The following GPHN variants were observed in gnomAD, a reference collection of about 807,000 sequenced individuals.
GPHN encodes gephyrin.
GPHN carries 17 observed loss-of-function variants against 95.5 expected under a neutral mutation model. That is an observed-to-expected ratio of 0.18 (90% confidence interval 0.12 to 0.27). The LOEUF (loss-of-function observed/expected upper bound fraction) is 0.27. GPHN is among the 10% of genes least tolerant of loss of function. The pLI, the probability that GPHN is intolerant of heterozygous loss-of-function variation, is 1.00. For missense variants in GPHN, 660 were observed against 978.1 expected (o/e 0.67, Z 4.34); for synonymous variants, 320 against 322.5 (o/e 0.99, Z 0.08).
chr14:67,699,767 G>T, the GPHN span, among the ~76,000 whole-genome samples: 1 of 151,808 alleles, frequency 6.6e-6, no homozygotes. Context: ...AAAAAGTAAA[G>T]AAAAACCTTT....
the GPHN span, chr14:67,383,720 A>G: frequency 2.7e-6 from 1 of 373,002 alleles, no homozygotes; most frequent in African/African-American, 2.1e-5. Context: ...TGTGATTTCC[A>G]TTTCTGATGT....
intron 1 of GPHN, among the ~76,000 whole-genome samples, chr14:66,590,838 A>G (rs2061610406): frequency 6.6e-6 from 1 of 152,352 alleles, no homozygotes; most frequent in Non-Finnish European, 1.5e-5. Flanking sequence ...AAAACTTGGC[A>G]GAGACACAAC....
At chr14:67,420,829 T>C in the GPHN span, among the ~76,000 whole-genome samples, 1 of 152,238 alleles carries the variant, frequency 6.6e-6, no homozygotes, top group Admixed American at 6.5e-5. Flanking sequence ...TTGAGGTCTT[T>C]TCCTGTGCAA....
chr14:66,627,404 T>C (rs1010494281), intron 1 of GPHN, among the ~76,000 whole-genome samples: 1 of 151,998 alleles, frequency 6.6e-6, no homozygotes, highest in African/African-American at 2.4e-5. Context: ...GATACATTCG[T>C]TGATGGATCT....
At chr14:67,331,693 CAA>C in the GPHN span, among the ~76,000 whole-genome samples, 2 of 152,126 alleles carry the variant, frequency 1.3e-5, no homozygotes, top group African/African-American at 4.8e-5. Flanking sequence ...AATGGAATAA[CAA>C]TGCCTTAAAT....
intron 9 of GPHN, among the ~76,000 whole-genome samples, chr14:66,972,983 C>T (rs189846339): frequency 2.0e-5 from 3 of 152,138 alleles, no homozygotes; most frequent in African/African-American, 4.8e-5. Flanking sequence ...AGTACTATTA[C>T]TAAAATAATT....
the GPHN span, chr14:67,613,050 T>C: frequency 6.6e-6 from 1 of 151,966 alleles, no homozygotes; most frequent in Non-Finnish European, 1.5e-5. Context: ...AAAATTAATA[T>C]AACTAGAGAA....
the GPHN span, among the ~76,000 whole-genome samples, chr14:67,206,725 T>TTTATTA: frequency 9.9e-5 from 15 of 151,296 alleles, 1 homozygote; most frequent in East Asian, 7.8e-4. Flanking sequence ...CAAGCAATAA[T>TTTATTA]TTATTATTAT....
At chr14:66,708,973 T>TA in intron 2 of GPHN, among the ~76,000 whole-genome samples, 1 of 152,190 alleles carries the variant, frequency 6.6e-6, no homozygotes, top group African/African-American at 2.4e-5. Flanking sequence ...TATTAAAACA[T>TA]AAGAGTTCAG....
chr14:67,247,640 G>A, the GPHN span, among the ~76,000 whole-genome samples: 1 of 151,984 alleles, frequency 6.6e-6, no homozygotes, highest in Middle Eastern at 3.4e-3. Flanking sequence ...GTGTAGTGGC[G>A]CAGCACTGCT....
the GPHN span, chr14:67,651,501 G>C: frequency 6.2e-7 from 1 of 1,612,370 alleles, no homozygotes; most frequent in South Asian, 1.1e-5. Context: ...GAAGCAAAGT[G>C]GGGAGTAGTC....
the GPHN span, chr14:67,583,668 A>C: frequency 9.7e-6 from 11 of 1,137,666 alleles, no homozygotes; most frequent in African/African-American, 1.7e-4. Flanking sequence ...GGTTTATTTC[A>C]CCTCTCAACA....
At chr14:67,685,191 C>T in the GPHN span, 22 of 1,612,218 alleles carry the variant, frequency 1.4e-5, no homozygotes, top group Non-Finnish European at 1.8e-5. Context: ...CAGAATACGT[C>T]GTAACGCCAG....
the GPHN span, among the ~76,000 whole-genome samples, chr14:67,400,993 AAATAAT>A: frequency 9.3e-5 from 14 of 150,790 alleles, no homozygotes; most frequent in African/African-American, 2.7e-4. Context: ...CTGCCTCTTA[AAATAAT>A]AATAATAATA....
chr14:67,634,594 CAAA>C, the GPHN span, among the ~76,000 whole-genome samples: 5 of 115,304 alleles, frequency 4.3e-5, no homozygotes, highest in Admixed American at 9.0e-5. Flanking sequence ...ACCGTGTCTC[CAAA>C]AAAAAAAAAA....
chr14:67,023,489 C>T, intron 9 of GPHN, 144 bp from the exon 10 acceptor site: 1 of 614,048 alleles, frequency 1.6e-6, no homozygotes, highest in Non-Finnish European at 2.9e-6. Flanking sequence ...ACAAGTATAA[C>T]ATTTTTACTA....
At chr14:67,028,719 G>A (rs958033224) in intron 10 of GPHN, among the ~76,000 whole-genome samples, 1 of 152,046 alleles carries the variant, frequency 6.6e-6, no homozygotes, top group Non-Finnish European at 1.5e-5. Flanking sequence ...AATTATTTGG[G>A]TTTTTGCTGT....
chr14:66,634,974 T>C (rs2064020076), intron 1 of GPHN, among the ~76,000 whole-genome samples: 1 of 152,178 alleles, frequency 6.6e-6, no homozygotes, highest in Admixed American at 6.5e-5. Context: ...TGGATGTAGG[T>C]TGATAGATTT....
chr14:67,109,694 A>G (rs532397935), intron 13 of GPHN, among the ~76,000 whole-genome samples: 2 of 152,348 alleles, frequency 1.3e-5, no homozygotes, highest in African/African-American at 4.8e-5. Flanking sequence ...AGTTTAGTTA[A>G]TAAAGTACTG....
Sources: allele counts gnomAD v4.1 joint callset (sites outside exome capture counted in the v4.1 genomes callset), GRCh38; gene constraint gnomAD v4.1.1; transcripts MANE v1.5; gene names NCBI Gene and HGNC (gene_info 2026-07-23, HGNC 2026-07-21).